The following AGMO variants were observed in gnomAD, a reference collection of about 807,000 sequenced individuals.
AGMO encodes the protein glyceryl-ether monooxygenase.
In AGMO, 75 loss-of-function variants were observed where a neutral mutation model predicts 60.2. The observed-to-expected ratio is 1.25, with a 90% CI of 1.03 to 1.51. AGMO has a LOEUF of 1.51. Among genes scored for constraint, AGMO ranks in the 40% most tolerant of loss-of-function variants. The pLI is 0.00. For missense variants in AGMO, 763 were observed against 525.5 expected (o/e 1.45, Z -4.42); for synonymous variants, 261 against 177.1 (o/e 1.47, Z -3.76).
chr7:15,498,471 T>G (rs1423407710), intron 3 of AGMO, among the ~76,000 whole-genome samples: 2 of 152,042 alleles, frequency 1.3e-5, no homozygotes, highest in African/African-American at 4.8e-5. Context: ...TGCTAACGTT[T>G]CTGCAGTTTG....
intron 3 of AGMO, among the ~76,000 whole-genome samples, chr7:15,431,970 T>C (rs1235576785): frequency 6.6e-6 from 1 of 151,798 alleles, no homozygotes; most frequent in Non-Finnish European, 1.5e-5. Flanking sequence ...ATTTTAAAAA[T>C]TGTATTGCCA....
chr7:15,283,143 C>T (rs767335567), intron 12 of AGMO, among the ~76,000 whole-genome samples: 9 of 151,962 alleles, frequency 5.9e-5, no homozygotes, highest in Non-Finnish European at 1.3e-4. Flanking sequence ...CTCTTAAAAG[C>T]ATAAAACTCA....
Position 15,365,599 on chromosome 7 carries a change from T to TC in AGMO, c.1177dup (p.Glu393GlyfsTer29), listed in dbSNP as rs779893110. On this transcript the variant is annotated frameshift_variant, in exon 12 of 13. Transcript: ENST00000342526. LOFTEE classifies it high-confidence loss of function. ...TAAGAACATCAAGCAACGGAGAGTT[T>TC]CCATAATAGCTGCCTTGGGTCTGAA... 7 of 1,612,440 alleles carry TC rather than the reference T, an allele frequency of 4.3e-6. No individual in the cohort carries two copies. The highest frequency in any genetic ancestry group is 5.9e-6 in the Non-Finnish European group (7 of 1,178,894).
the AGMO span, among the ~76,000 whole-genome samples, chr7:15,185,021 T>C: frequency 6.6e-6 from 1 of 152,298 alleles, no homozygotes; most frequent in South Asian, 2.1e-4. Flanking sequence ...GTACATTTTC[T>C]ACTATATAAT....
chr7:15,344,402 T>TA (rs951718055), intron 12 of AGMO, among the ~76,000 whole-genome samples: 5 of 152,152 alleles, frequency 3.3e-5, no homozygotes, highest in Non-Finnish European at 7.4e-5. Flanking sequence ...ATTTAAAACT[T>TA]AAAATCTGGA....
At chr7:15,443,140 G>C (rs372866068) in intron 3 of AGMO, among the ~76,000 whole-genome samples, 18 of 152,216 alleles carry the variant, frequency 1.2e-4, no homozygotes, top group East Asian at 5.8e-4. Context: ...GGTACACCAA[G>C]GCAGGAAACC....
chr7:15,534,532 A>G (rs1468273741), intron 3 of AGMO, among the ~76,000 whole-genome samples: 1 of 151,986 alleles, frequency 6.6e-6, no homozygotes, highest in Non-Finnish European at 1.5e-5. Context: ...TAACTTCAGT[A>G]TAAATCTAAA....
intron 10 of AGMO, among the ~76,000 whole-genome samples, chr7:15,375,350 T>C (rs1783407067): frequency 6.6e-6 from 1 of 151,488 alleles, no homozygotes; most frequent in Non-Finnish European, 1.5e-5. Flanking sequence ...GTTAAAAGAC[T>C]GTTTCAGAGA....
chr7:15,351,419 A>T (rs780445490), intron 12 of AGMO, among the ~76,000 whole-genome samples: 2 of 152,270 alleles, frequency 1.3e-5, no homozygotes, highest in South Asian at 4.1e-4. Context: ...TTTAACAGTG[A>T]TTCTCAGGGG....
At chr7:15,474,361 C>T (rs1228778917) in intron 3 of AGMO, among the ~76,000 whole-genome samples, 1 of 151,994 alleles carries the variant, frequency 6.6e-6, no homozygotes, top group Non-Finnish European at 1.5e-5. Context: ...AGATATAGAC[C>T]AATGGAACAG....
intron 12 of AGMO, among the ~76,000 whole-genome samples, chr7:15,331,879 T>G (rs996931699): frequency 1.8e-4 from 27 of 151,246 alleles, no homozygotes; most frequent in African/African-American, 5.6e-4. Context: ...TGAGCCAAGA[T>G]CACACCATCG....
chr7:15,469,964 T>C (rs908265022), intron 3 of AGMO, among the ~76,000 whole-genome samples: 7 of 152,070 alleles, frequency 4.6e-5, no homozygotes, highest in Non-Finnish European at 8.8e-5. Context: ...TTATTTGGGA[T>C]ATTATTTGGG....
At chr7:15,127,435 G>GA in the AGMO span, among the ~76,000 whole-genome samples, 20 of 151,962 alleles carry the variant, frequency 1.3e-4, no homozygotes, top group East Asian at 3.5e-3. Context: ...TAAATCTTCA[G>GA]AAAAAAATTA....
intron 12 of AGMO, among the ~76,000 whole-genome samples, chr7:15,310,582 T>C (rs1442258818): frequency 2.0e-5 from 3 of 152,182 alleles, no homozygotes; most frequent in Non-Finnish European, 4.4e-5. Context: ...ATTAGAAATT[T>C]GGAAATTATA....
chr7:15,318,510 C>T (rs1781009679), intron 12 of AGMO, among the ~76,000 whole-genome samples: 1 of 151,928 alleles, frequency 6.6e-6, no homozygotes, highest in South Asian at 2.1e-4. Context: ...GTCAAATAAG[C>T]TGATATGATT....
chr7:15,198,249 G>GAGAGAGAC (rs1244145302), downstream of AGMO, among the ~76,000 whole-genome samples: 4 of 78,468 alleles, frequency 5.1e-5, 1 homozygote, highest in African/African-American at 3.2e-4. Context: ...GAGAGAGAGA[G>GAGAGAGAC]AGAGAGACAG....
intron 12 of AGMO, among the ~76,000 whole-genome samples, chr7:15,363,211 C>T (rs1782832271): frequency 6.6e-6 from 1 of 152,164 alleles, no homozygotes; most frequent in Admixed American, 6.5e-5. Flanking sequence ...ATAGCACTGA[C>T]TTTTCCTTCA....
rs986273193 is a variant in AGMO, at chr7:15,201,202, A to G, written c.*83T>C. 24 of 853,884 alleles carry G rather than the reference A, an allele frequency of 2.8e-5. No individual in the cohort carries two copies. The highest frequency in any genetic ancestry group is 3.2e-4 in the Middle Eastern group (1 of 3,146). The allele number at this position is 853,884 out of a possible 1,614,324, so 52.9% of individuals were successfully genotyped here. A position where few individuals can be genotyped will look rare whatever the true frequency, so the allele number is the denominator to read the frequency against. On this transcript the variant is annotated 3_prime_UTR_variant, in exon 13 of 13. Coordinates refer to ENST00000342526, the MANE Select transcript of AGMO (RefSeq NM_001004320.2). ...AAGAAATAGTTCATATAAGCATTAC[A>G]TAAAATAATTACATTTTAATATGCA...
intron 12 of AGMO, among the ~76,000 whole-genome samples, chr7:15,322,974 T>A (rs1156260558): frequency 6.0e-4 from 32 of 53,174 alleles, no homozygotes; most frequent in Non-Finnish European, 8.7e-4. Context: ...TGTGTATATA[T>A]ATATGTATTT....
Sources: gnomAD v4.1 joint callset for allele counts (sites outside exome capture counted in the v4.1 genomes callset) on GRCh38, gnomAD v4.1.1 for gene constraint, MANE v1.5 for transcripts, NCBI Gene and HGNC (gene_info 2026-07-23, HGNC 2026-07-21) for gene names.